The following CADM2 variants were observed in gnomAD, a reference collection of about 807,000 sequenced individuals.
The protein encoded by CADM2 is cell adhesion molecule 2.
Under a neutral mutation model 49.8 loss-of-function variants are expected in CADM2, and 12 were observed. The ratio of observed to expected loss-of-function variants is 0.24; its 90% CI spans 0.15 to 0.39. The LOEUF (loss-of-function observed/expected upper bound fraction) is 0.39. Ranked by LOEUF, CADM2 falls within the 10% of genes least tolerant of loss-of-function variation. The pLI is 1.00. For synonymous variants in CADM2, 214 were observed against 175.4 expected, an observed-to-expected ratio of 1.22 and a Z score of -1.74; for missense variants, 378 against 492.3, an observed-to-expected ratio of 0.77 and a Z score of 2.20.
At chr3:84,979,026 A>T (rs573899152) in intron 1 of CADM2, among the ~76,000 whole-genome samples, 151 of 152,278 alleles carry the variant, frequency 9.9e-4, no homozygotes, top group African/African-American at 3.4e-3. Context: ...GAAACAGCTC[A>T]TCTCTCTAGA....
At chr3:85,187,550 T>C (rs1344910471) in intron 1 of CADM2, among the ~76,000 whole-genome samples, 1 of 152,120 alleles carries the variant, frequency 6.6e-6, no homozygotes, top group Non-Finnish European at 1.5e-5. Context: ...CTTTATCATT[T>C]AGTAAATTCC....
At chr3:85,632,239 T>G (rs113105448) in intron 1 of CADM2, among the ~76,000 whole-genome samples, 4,091 of 152,186 alleles carry the variant, frequency 0.027, 194 homozygotes, top group East Asian at 0.19. Context: ...CTTTGCCTGC[T>G]GTCATTCACA....
chr3:84,999,866 A>G (rs544096318), intron 1 of CADM2, among the ~76,000 whole-genome samples: 2 of 152,266 alleles, frequency 1.3e-5, no homozygotes, highest in East Asian at 3.9e-4. Context: ...GTTTGTATAT[A>G]AGACCACTCT....
At chr3:85,341,664 T>C (rs577404916) in intron 1 of CADM2, among the ~76,000 whole-genome samples, 3 of 151,954 alleles carry the variant, frequency 2.0e-5, no homozygotes, top group African/African-American at 7.2e-5. Flanking sequence ...GTAACAAACC[T>C]GCACATTCTG....
chr3:84,982,621 A>G (rs935498701), intron 1 of CADM2, among the ~76,000 whole-genome samples: 1 of 149,572 alleles, frequency 6.7e-6, no homozygotes, highest in Non-Finnish European at 1.5e-5. Flanking sequence ...AAAATAGATT[A>G]TTTAGCATGA....
At chr3:85,048,003 C>T (rs1005977095) in intron 1 of CADM2, among the ~76,000 whole-genome samples, 22 of 151,980 alleles carry the variant, frequency 1.4e-4, no homozygotes, top group South Asian at 6.2e-4. Flanking sequence ...ATACAGAAAC[C>T]TATTGGATCC....
chr3:85,055,315 C>T (rs1050683374), intron 1 of CADM2, among the ~76,000 whole-genome samples: 4 of 151,960 alleles, frequency 2.6e-5, no homozygotes, highest in African/African-American at 4.8e-5. Flanking sequence ...ATTCATGTGG[C>T]ATGCTTCTTA....
At chr3:85,975,456 TA>T (rs1284075569) in intron 8 of CADM2, among the ~76,000 whole-genome samples, 2 of 151,494 alleles carry the variant, frequency 1.3e-5, no homozygotes, top group Non-Finnish European at 3.0e-5. Flanking sequence ...TGTTTGGATT[TA>T]AATTGAGTCT....
chr3:85,070,720 C>A (rs536613003), intron 1 of CADM2, among the ~76,000 whole-genome samples: 2 of 152,142 alleles, frequency 1.3e-5, no homozygotes, highest in African/African-American at 2.4e-5. Flanking sequence ...AGGCCAGGGG[C>A]AGTGGATCAC....
intron 1 of CADM2, among the ~76,000 whole-genome samples, chr3:85,560,261 ACC>A (rs2062060766): frequency 6.6e-6 from 1 of 152,188 alleles, no homozygotes; most frequent in Non-Finnish European, 1.5e-5. Context: ...CAGCAGGTGC[ACC>A]AGCTTGATGA....
intron 1 of CADM2, 134 bp from the exon 2 acceptor site, chr3:85,726,388 A>G: frequency 1.1e-6 from 1 of 913,992 alleles, no homozygotes; most frequent in Non-Finnish European, 1.8e-6. Flanking sequence ...TTTGTTTCTT[A>G]GGCTGTTGAT....
At chr3:85,224,041 G>T (rs2042097609) in intron 1 of CADM2, among the ~76,000 whole-genome samples, 2 of 152,042 alleles carry the variant, frequency 1.3e-5, no homozygotes, top group African/African-American at 4.8e-5. Flanking sequence ...CTTTGCTATT[G>T]TGAAGAGTGC....
intron 1 of CADM2, among the ~76,000 whole-genome samples, chr3:85,540,688 G>C (rs1204775220): frequency 6.6e-6 from 1 of 152,066 alleles, no homozygotes; most frequent in Non-Finnish European, 1.5e-5. Context: ...TTTGCAAAAG[G>C]CATTTTATTG....
In CADM2 at chr3:85,619,872, G is replaced by T. The variant is rs545125160; in HGVS notation, c.62-106650G>T. 2.6e-4 allele frequency among the ~76,000 whole-genome samples: 39 copies of T among 152,270 alleles called. 1 individual carries two copies. Among genetic ancestry groups the T allele is most frequent in the African/African-American group, 7.7e-4 (32 of 41,562 alleles). On this transcript the variant is annotated intron_variant, in intron 1 of 9. Transcript: ENST00000383699. ...AACATTGCTTGTATAAGAGCAAAGA[G>T]AATTTGTAATTAAACCTCCAAAATC...
chr3:85,164,896 G>T (rs940060112), intron 1 of CADM2, among the ~76,000 whole-genome samples: 1 of 151,658 alleles, frequency 6.6e-6, no homozygotes, highest in East Asian at 1.9e-4. Flanking sequence ...AGTTTATATA[G>T]AACAATCAAG....
chr3:85,530,322 G>GTT (rs57504567), intron 1 of CADM2, among the ~76,000 whole-genome samples: 1,383 of 31,224 alleles, frequency 0.044, 342 homozygotes, highest in African/African-American at 0.092. Flanking sequence ...TCTTTTCTCC[G>GTT]TTTTTTTTTT....
intron 8 of CADM2, among the ~76,000 whole-genome samples, chr3:86,061,106 A>G (rs1738586153): frequency 6.6e-6 from 1 of 152,092 alleles, no homozygotes; most frequent in South Asian, 2.1e-4. Context: ...CAAACATATG[A>G]CCCAATACCA....
At chr3:85,995,390 C>A (rs1729257470) in intron 8 of CADM2, among the ~76,000 whole-genome samples, 1 of 152,014 alleles carries the variant, frequency 6.6e-6, no homozygotes, top group Admixed American at 6.6e-5. Context: ...CATGAAGTCA[C>A]TCAATGTAAA....
At chr3:85,628,580 C>CACATATATATACATATATATAT (rs57235186) in intron 1 of CADM2, among the ~76,000 whole-genome samples, 4 of 142,682 alleles carry the variant, frequency 2.8e-5, no homozygotes, top group Non-Finnish European at 6.0e-5. Flanking sequence ...TATATACACA[C>CACATATATATACATATATATAT]ACATATATAT....
Sources: allele counts gnomAD v4.1 joint callset (sites outside exome capture counted in the v4.1 genomes callset), GRCh38; gene constraint gnomAD v4.1.1; transcripts MANE v1.5; gene names NCBI Gene and HGNC (gene_info 2026-07-23, HGNC 2026-07-21).